The following TENM4 variants were observed in gnomAD, a reference collection of about 807,000 sequenced individuals.
The protein encoded by TENM4 is teneurin transmembrane protein 4, also known as teneurin-4.
In TENM4, 82 loss-of-function variants were observed where a neutral mutation model predicts 243.3. The ratio of observed to expected loss-of-function variants is 0.34; its 90% CI spans 0.28 to 0.40. The LOEUF (loss-of-function observed/expected upper bound fraction) is 0.40, where lower values mean the gene tolerates loss of function less well. TENM4 is among the 10% of genes least tolerant of loss of function. The pLI is 1.00. For missense variants in TENM4, 3,138 were observed against 3,673.3 expected, an observed-to-expected ratio of 0.85 and a Z score of 3.77; for synonymous variants, 1,412 against 1,456.3, an observed-to-expected ratio of 0.97 and a Z score of 0.69.
At chr11:79,177,241 G>A (rs577143314) in intron 3 of TENM4, among the ~76,000 whole-genome samples, 35 of 152,182 alleles carry the variant, frequency 2.3e-4, no homozygotes, top group Admixed American at 2.6e-4. Context: ...CAGGGGCAAA[G>A]GGTTGGAGCC....
At chr11:79,017,208 C>T (rs2136782855) in intron 6 of TENM4, among the ~76,000 whole-genome samples, 1 of 152,288 alleles carries the variant, frequency 6.6e-6, no homozygotes, top group East Asian at 1.9e-4. Context: ...CAGAAAGTTG[C>T]AAACAGGATC....
intron 3 of TENM4, among the ~76,000 whole-genome samples, chr11:79,183,636 G>T (rs1041708331): frequency 2.0e-5 from 3 of 152,160 alleles, no homozygotes; most frequent in Admixed American, 2.0e-4. Context: ...AAGGTTGTGT[G>T]TGTGTGGGCA....
chr11:79,048,450 G>C (rs750066273), intron 6 of TENM4, among the ~76,000 whole-genome samples: 15 of 152,118 alleles, frequency 9.9e-5, no homozygotes, highest in Admixed American at 3.9e-4. Flanking sequence ...AGGCAGTCTA[G>C]AGCAAAGCCC....
intron 15 of TENM4, among the ~76,000 whole-genome samples, chr11:78,804,284 T>G (rs1253270295): frequency 6.6e-6 from 1 of 152,206 alleles, no homozygotes; most frequent in Non-Finnish European, 1.5e-5. Context: ...TTGTTGTTGT[T>G]CCCCTCCCCT....
At chr11:78,747,071 A>G (rs1165163856) in intron 19 of TENM4, among the ~76,000 whole-genome samples, 3 of 152,232 alleles carry the variant, frequency 2.0e-5, no homozygotes, top group African/African-American at 4.8e-5. Flanking sequence ...GTTCAGCTCA[A>G]TAGGCTGGAG....
chr11:78,880,248 G>A (rs1859395333), intron 9 of TENM4, among the ~76,000 whole-genome samples: 1 of 152,138 alleles, frequency 6.6e-6, no homozygotes, highest in Non-Finnish European at 1.5e-5. Context: ...ACAGATGCTT[G>A]AAGGCAGCAT....
chr11:78,966,798 T>C (rs946097324), intron 6 of TENM4, among the ~76,000 whole-genome samples: 6 of 152,190 alleles, frequency 3.9e-5, no homozygotes, highest in African/African-American at 1.2e-4. Context: ...CCAAGTCTCA[T>C]TGTTACCATT....
At chr11:79,355,683 G>C (rs1300480610) in intron 1 of TENM4, among the ~76,000 whole-genome samples, 1 of 118,574 alleles carries the variant, frequency 8.4e-6, no homozygotes, top group Non-Finnish European at 1.8e-5. Context: ...GAGAACCTTT[G>C]TTCACAGTCT....
intron 7 of TENM4, among the ~76,000 whole-genome samples, chr11:78,897,660 G>A (rs933162269): frequency 1.3e-5 from 2 of 152,128 alleles, no homozygotes; most frequent in East Asian, 3.9e-4. Context: ...CTCAAAAGAC[G>A]GTGAGCTTCT....
chr11:78,862,048 G>A (rs1000200240), intron 10 of TENM4, among the ~76,000 whole-genome samples: 2 of 152,184 alleles, frequency 1.3e-5, no homozygotes, highest in African/African-American at 4.8e-5. Flanking sequence ...TGGGCCTATG[G>A]ATATCCCACT....
At chr11:79,049,758 C>G (rs1859750815) in intron 6 of TENM4, among the ~76,000 whole-genome samples, 1 of 152,206 alleles carries the variant, frequency 6.6e-6, no homozygotes, top group Non-Finnish European at 1.5e-5. Flanking sequence ...GTGACTAGCA[C>G]CTGATCAACA....
intron 1 of TENM4, among the ~76,000 whole-genome samples, chr11:79,316,378 C>T (rs1358172792): frequency 6.6e-6 from 1 of 152,108 alleles, no homozygotes; most frequent in East Asian, 1.9e-4. Context: ...AACAGCCAAC[C>T]ATAGCTCAAT....
intron 1 of TENM4, among the ~76,000 whole-genome samples, chr11:79,427,589 A>G (rs1441358612): frequency 6.6e-6 from 1 of 152,222 alleles, no homozygotes; most frequent in African/African-American, 2.4e-5. Context: ...TCAAAAGGTT[A>G]GGAGAAACTA....
intron 4 of TENM4, among the ~76,000 whole-genome samples, chr11:79,136,337 T>A (rs1171781213): frequency 2.0e-5 from 3 of 152,168 alleles, no homozygotes; most frequent in African/African-American, 7.2e-5. Context: ...GTGGATAGGA[T>A]GATCCATTCT....
chr11:79,255,539 A>C (rs1855687575), intron 2 of TENM4, among the ~76,000 whole-genome samples: 1 of 152,250 alleles, frequency 6.6e-6, no homozygotes, highest in South Asian at 2.1e-4. Context: ...TTATTAGATC[A>C]AATGTAAAAC....
intron 5 of TENM4, among the ~76,000 whole-genome samples, chr11:79,067,145 C>T (rs907423663): frequency 1.3e-5 from 2 of 152,152 alleles, no homozygotes; most frequent in East Asian, 1.9e-4. Flanking sequence ...AAAAGAAGCC[C>T]GTGGGCTCTG....
chr11:79,427,421 C>G (rs559355467), intron 1 of TENM4, among the ~76,000 whole-genome samples: 1 of 152,190 alleles, frequency 6.6e-6, no homozygotes, highest in South Asian at 2.1e-4. Context: ...TACTACATAG[C>G]TATTAAACAT....
At chr11:78,854,045 G>A in intron 12 of TENM4, 59 bp downstream of exon 12, 2 of 1,476,388 alleles carry the variant, frequency 1.4e-6, no homozygotes, top group Non-Finnish European at 1.8e-6. Context: ...GAATCTCCAT[G>A]CAGCCTCCGA....
chr11:79,268,099 G>A (rs762496497), intron 2 of TENM4, among the ~76,000 whole-genome samples: 22 of 152,164 alleles, frequency 1.4e-4, no homozygotes, highest in Non-Finnish European at 2.9e-4. Context: ...CCAGGGAAAA[G>A]CACAAAAAAT....
Sources: gnomAD v4.1 joint callset for allele counts (sites outside exome capture counted in the v4.1 genomes callset) on GRCh38, gnomAD v4.1.1 for gene constraint, MANE v1.5 for transcripts, NCBI Gene and HGNC (gene_info 2026-07-23, HGNC 2026-07-21) for gene names.